The following TEKT1 variants were observed in gnomAD, a reference collection of about 807,000 sequenced individuals.
The protein encoded by TEKT1 is tektin-1.
In TEKT1, 32 loss-of-function variants were observed where a neutral mutation model predicts 34.8. The observed-to-expected ratio is 0.92, with a 90% CI of 0.69 to 1.23. The LOEUF is 1.23. Ranked by LOEUF, TEKT1 falls within the 50% of genes most tolerant of loss-of-function variation. The pLI is 0.00. For missense variants in TEKT1, 492 were observed against 518.5 expected (o/e 0.95, Z 0.50); for synonymous variants, 207 against 199.8 (o/e 1.04, Z -0.30).
intron 6 of TEKT1, among the ~76,000 whole-genome samples, chr17:6,805,263 T>C (rs1976827863): frequency 6.6e-6 from 1 of 152,206 alleles, no homozygotes; most frequent in East Asian, 1.9e-4. Context: ...GAGGTGTTTA[T>C]AGTATTCTCT....
rs981163039 is a variant in TEKT1 at position 6,824,428 on chromosome 17, G to A, written c.191-5070C>T. 3.9e-5 allele frequency among the ~76,000 whole-genome samples: 6 copies of A among 152,086 alleles called. No individual in the cohort carries two copies. In the South Asian group the frequency reaches 6.3e-4, roughly 16 times the overall value. On this transcript the variant is annotated intron_variant, in intron 2 of 7. Coordinates refer to ENST00000338694, the MANE Select transcript of TEKT1 (RefSeq NM_053285.2). The stretch of plus-strand genomic sequence containing the variant: ...TCTTCATCATGCTGCTCTTCCTCAC[G>A]TACTCTACACATTAACTTGGACCTC...
chr17:6,821,932 C>CAGAGCATAAAGGTT (rs1422046590), intron 2 of TEKT1, among the ~76,000 whole-genome samples: 2 of 151,814 alleles, frequency 1.3e-5, no homozygotes, highest in African/African-American at 4.9e-5. Flanking sequence ...AAAAGGGATG[C>CAGAGCATAAAGGTT]TCTGCTTCCC....
chr17:6,815,693 G>T (rs1178788005), intron 4 of TEKT1, 141 bp downstream of exon 4: 2 of 1,319,804 alleles, frequency 1.5e-6, no homozygotes, highest in Non-Finnish European at 2.1e-6. Flanking sequence ...TACCCTGAGT[G>T]CTGGGGCAAT....
At chr17:6,829,714 C>T (rs1413561945) in intron 2 of TEKT1, among the ~76,000 whole-genome samples, 1 of 152,056 alleles carries the variant, frequency 6.6e-6, no homozygotes, top group Non-Finnish European at 1.5e-5. Flanking sequence ...ATGTAAATAG[C>T]TGTTGAACTG....
chr17:6,831,180 C>A (rs923032197), intron 1 of TEKT1, among the ~76,000 whole-genome samples: 1 of 152,122 alleles, frequency 6.6e-6, no homozygotes, highest in Non-Finnish European at 1.5e-5. Flanking sequence ...AGCCAGCTGG[C>A]AGAGGCTGTC....
rs912895723 is a variant in TEKT1, at chr17:6,799,252, A to G, written c.*775T>C. Reference sequence around the variant, plus strand: ...GGTACGTAACCATTAAAATAATTATAAAGACAATTTAGCAACATGAACAAA... The same window carrying G: ...GGTACGTAACCATTAAAATAATTATGAAGACAATTTAGCAACATGAACAAA... On this transcript the variant is annotated 3_prime_UTR_variant, in exon 8 of 8. Transcript: ENST00000338694. 2.0e-5 allele frequency: 3 copies of G among 152,240 alleles called. No individual in the cohort carries two copies. The highest frequency in any genetic ancestry group is 4.4e-5 in the Non-Finnish European group (3 of 68,042). The allele number at this position is 152,240 out of a possible 1,614,324, so 9.4% of individuals were successfully genotyped here.
rs2151580185 is a variant in TEKT1, at chr17:6,799,953, T to C, written c.*74A>G. The C allele has an allele frequency of 1.4e-6, 2 of 1,443,468 alleles. No homozygotes were observed. Among genetic ancestry groups the C allele is most frequent in the South Asian group, 1.4e-5 (1 of 71,388 alleles). The allele number at this position is 1,443,468 out of a possible 1,614,324, so 89.4% of individuals were successfully genotyped here. A position where few individuals can be genotyped will look rare whatever the true frequency, so the allele number is the denominator to read the frequency against. On this transcript the variant is annotated 3_prime_UTR_variant, in exon 8 of 8. Coordinates refer to ENST00000338694, the MANE Select transcript of TEKT1 (RefSeq NM_053285.2). ...AGGCTGGCTAGAGGCCCCGCCAGCC[T>C]GAAATGAGAGCTCTGTACTACTGTA...
intron 2 of TEKT1, 22 bp downstream of exon 2, chr17:6,830,165 T>C (rs1243523274): frequency 3.1e-6 from 5 of 1,598,264 alleles, no homozygotes; most frequent in Non-Finnish European, 4.3e-6. Flanking sequence ...TGTTCACGAA[T>C]ATGCCAAGCA....
chr17:6,814,984 C>A, intron 5 of TEKT1, 179 bp downstream of exon 5: 1 of 666,846 alleles, frequency 1.5e-6, no homozygotes, highest in Non-Finnish European at 2.5e-6. Context: ...AGTTAGTGAG[C>A]CTAACCTGGA....
chr17:6,808,940 T>G (rs137943037), intron 6 of TEKT1, among the ~76,000 whole-genome samples: 1 of 152,160 alleles, frequency 6.6e-6, no homozygotes. Flanking sequence ...ATAAACTAAA[T>G]CCAGTCTGCA....
intron 6 of TEKT1, 64 bp from the exon 7 acceptor site, chr17:6,801,007 C>G (rs1280387373): frequency 1.4e-6 from 2 of 1,464,986 alleles, no homozygotes; most frequent in South Asian, 2.6e-5. Flanking sequence ...CAGCTGACAG[C>G]AGATGGGTTG....
At position 6,799,887 on chromosome 17, in the gene TEKT1, C is replaced by A; in HGVS notation, c.*140G>T. On this transcript the variant is annotated 3_prime_UTR_variant, in exon 8 of 8. Transcript: ENST00000338694. ...GAGAAGAAACTCGCCCCAAAATCAG[C>A]CCCCTGAGCAGGCTTGGAATGCCAG... 1.4e-6 allele frequency: 1 copy of A among 722,204 alleles called. No homozygotes were observed. The highest frequency in any genetic ancestry group is 1.8e-5 in the African/African-American group (1 of 56,346). 44.7% of individuals were successfully genotyped at this position (722,204 alleles called of 1,614,324 possible). A position where few individuals can be genotyped will look rare whatever the true frequency, so the allele number is the denominator to read the frequency against.
At chr17:6,831,022 G>A (rs972269116) in intron 1 of TEKT1, among the ~76,000 whole-genome samples, 4 of 115,054 alleles carry the variant, frequency 3.5e-5, no homozygotes, top group African/African-American at 2.0e-4. Flanking sequence ...AGAAGAGGAA[G>A]AAGAAGGAGG....
rs371892456 is a variant in TEKT1 at position 6,801,085 on chromosome 17, T to C, written c.853-142A>G. The C allele has an allele frequency of 2.1e-5, 17 of 813,310 alleles. No individual in the cohort carries two copies. The South Asian group carries it at 2.3e-4, about 11-fold the overall frequency. The allele number at this position is 813,310 out of a possible 1,614,324, so 50.4% of individuals were successfully genotyped here. On this transcript the variant is annotated intron_variant, in intron 6 of 7. Coordinates refer to ENST00000338694, the MANE Select transcript of TEKT1 (RefSeq NM_053285.2). Reference sequence around the variant, plus strand: ...AAGCAGCATGCCAGAGTCTGATCTCTCTTCCCTAAAGCAGTGATTGCTGGT... The same window carrying C: ...AAGCAGCATGCCAGAGTCTGATCTCCCTTCCCTAAAGCAGTGATTGCTGGT...
At position 6,815,787 on chromosome 17, in the gene TEKT1, C is replaced by T. The variant is rs199911084; in HGVS notation, c.485+47G>A. 1.0e-3 allele frequency: 1,621 copies of T among 1,609,264 alleles called. 5 individuals are homozygous for T. Among genetic ancestry groups the T allele is most frequent in the Non-Finnish European group, 1.3e-3 (1,486 of 1,177,424 alleles). On this transcript the variant is annotated intron_variant, in intron 4 of 7. Coordinates refer to ENST00000338694, the MANE Select transcript of TEKT1 (RefSeq NM_053285.2). ...CCAGCTTTTGTGGACACTGCCTTTT[C>T]TCAAAATTCCCAGTGGAGATTTGGA... is the stretch of plus-strand genomic sequence containing the variant.
At chr17:6,810,499 A>T (rs1976911373) in intron 6 of TEKT1, among the ~76,000 whole-genome samples, 1 of 152,202 alleles carries the variant, frequency 6.6e-6, no homozygotes, top group African/African-American at 2.4e-5. Context: ...TCATGTGAAA[A>T]TTACATAAAA....
intron 2 of TEKT1, among the ~76,000 whole-genome samples, chr17:6,828,887 C>T (rs1328837289): frequency 6.6e-6 from 1 of 152,026 alleles, no homozygotes; most frequent in Admixed American, 6.6e-5. Context: ...TGCGGTGGCT[C>T]GTGCCTGTAA....
rs772459574 is a variant in TEKT1, at chr17:6,815,185, T to A, written c.607A>T (p.Asn203Tyr). The A allele has an allele frequency of 4.3e-6, 7 of 1,613,830 alleles. No homozygotes were observed. Among genetic ancestry groups the A allele is most frequent in the Non-Finnish European group, 5.9e-6 (7 of 1,179,832 alleles). The change falls in exon 5 of 8, where the codon AAC becomes TAC. Residue 203 changes from asparagine to tyrosine, a missense_variant. Coordinates refer to ENST00000338694, the MANE Select transcript of TEKT1 (RefSeq NM_053285.2). The part of the protein sequence containing the change: ...NNSPNIRYSE[N>Y]AVRIEPNSVS... ...CACTTTGGCTCAATCCTCACGGCGTTCTCAGAATATCTGATGTTTGGTGAG... is the reference window on the plus strand; with the variant it reads ...CACTTTGGCTCAATCCTCACGGCGTACTCAGAATATCTGATGTTTGGTGAG...
chr17:6,806,733 G>A (rs1318455820), intron 6 of TEKT1, among the ~76,000 whole-genome samples: 1 of 152,120 alleles, frequency 6.6e-6, no homozygotes, highest in Non-Finnish European at 1.5e-5. Context: ...ATAATGCTTA[G>A]TTTGGCTGGA....
Sources: allele counts gnomAD v4.1 joint callset (sites outside exome capture counted in the v4.1 genomes callset), GRCh38; gene constraint gnomAD v4.1.1; transcripts MANE v1.5; gene names NCBI Gene and HGNC (gene_info 2026-07-23, HGNC 2026-07-21).